CLDN10: variants seen among roughly 807,000 people sequenced by gnomAD.
CLDN10 encodes claudin-10.
CLDN10 carries 15 observed loss-of-function variants against 22.9 expected under a neutral mutation model. The observed-to-expected ratio is 0.65, with a 90% CI of 0.44 to 1.01. The LOEUF (loss-of-function observed/expected upper bound fraction) is 1.01. CLDN10 is among the 50% of genes least tolerant of loss of function. The pLI is 0.00. For synonymous variants in CLDN10, 114 were observed against 111.4 expected (o/e 1.02, Z -0.15); for missense variants, 247 against 287.8 (o/e 0.86, Z 1.03).
At chr13:95,544,331 G>C (rs1264142640) in intron 1 of CLDN10, among the ~76,000 whole-genome samples, 1 of 152,060 alleles carries the variant, frequency 6.6e-6, no homozygotes. Flanking sequence ...ATGGTGTTTT[G>C]ATTGGAAATA....
chr13:95,477,547 G>A (rs544104149), intron 1 of CLDN10, among the ~76,000 whole-genome samples: 1 of 152,208 alleles, frequency 6.6e-6, no homozygotes, highest in Non-Finnish European at 1.5e-5. Flanking sequence ...TCCTGCAGAT[G>A]CACGCGGGGC....
chr13:95,465,862 G>A (rs1006019467), intron 1 of CLDN10, among the ~76,000 whole-genome samples: 1 of 152,106 alleles, frequency 6.6e-6, no homozygotes, highest in Non-Finnish European at 1.5e-5. Flanking sequence ...GTTTATCTGG[G>A]AGTTAATGAA....
chr13:95,540,341 T>TAA (rs969373511), intron 1 of CLDN10, among the ~76,000 whole-genome samples: 4 of 141,564 alleles, frequency 2.8e-5, no homozygotes, highest in African/African-American at 7.7e-5. Context: ...AATAAATAAA[T>TAA]ATTAGCCTGG....
intron 1 of CLDN10, among the ~76,000 whole-genome samples, chr13:95,540,204 G>A (rs1369789707): frequency 6.6e-6 from 1 of 152,060 alleles, no homozygotes; most frequent in African/African-American, 2.4e-5. Flanking sequence ...GGAGGCTGAG[G>A]CAGAAGAATC....
intron 1 of CLDN10, among the ~76,000 whole-genome samples, chr13:95,484,471 T>G (rs924089157): frequency 1.4e-4 from 21 of 152,150 alleles, no homozygotes; most frequent in African/African-American, 4.8e-4. Flanking sequence ...TTATGAATAA[T>G]TTTATATGTC....
intron 1 of CLDN10, among the ~76,000 whole-genome samples, chr13:95,488,993 C>G (rs1297780188): frequency 2.8e-5 from 4 of 145,254 alleles, no homozygotes; most frequent in African/African-American, 7.7e-5. Context: ...CTCTCGTCAC[C>G]CAGGCTAGAG....
intron 1 of CLDN10, among the ~76,000 whole-genome samples, chr13:95,525,049 G>T (rs1349718598): frequency 6.6e-6 from 1 of 151,702 alleles, no homozygotes; most frequent in Non-Finnish European, 1.5e-5. Flanking sequence ...AGTAGAGACG[G>T]GGTTTCTCCA....
At chr13:95,496,690 C>T (rs1335061362) in intron 1 of CLDN10, among the ~76,000 whole-genome samples, 1 of 152,210 alleles carries the variant, frequency 6.6e-6, no homozygotes. Context: ...GTCTCTTCCT[C>T]TTCTTGTAAG....
chr13:95,561,656 A>T (rs746471121), intron 3 of CLDN10, among the ~76,000 whole-genome samples: 1 of 152,198 alleles, frequency 6.6e-6, no homozygotes, highest in Non-Finnish European at 1.5e-5. Flanking sequence ...CAGGCAGTTG[A>T]ACTTCAGAAC....
intron 1 of CLDN10, among the ~76,000 whole-genome samples, chr13:95,531,870 C>T (rs780898050): frequency 2.6e-4 from 40 of 151,994 alleles, no homozygotes; most frequent in Non-Finnish European, 5.4e-4. Context: ...AGGAATAGAT[C>T]TGCGCTTACA....
chr13:95,454,466 G>T (rs973382800), intron 1 of CLDN10, among the ~76,000 whole-genome samples: 2 of 152,012 alleles, frequency 1.3e-5, no homozygotes, highest in African/African-American at 4.8e-5. Flanking sequence ...GGAAGGGAAG[G>T]AAGGAAGGAA....
intron 1 of CLDN10, among the ~76,000 whole-genome samples, chr13:95,514,900 G>A (rs1594579253): frequency 1.3e-5 from 2 of 152,176 alleles, no homozygotes; most frequent in Non-Finnish European, 2.9e-5. Flanking sequence ...GTGAGATGAT[G>A]TCCCGCAGAC....
chr13:95,491,112 T>C (rs147652127), intron 1 of CLDN10, among the ~76,000 whole-genome samples: 76 of 152,320 alleles, frequency 5.0e-4, no homozygotes, highest in African/African-American at 1.8e-3. Flanking sequence ...TGAAATGCCT[T>C]TTTCCACCCC....
At chr13:95,504,940 G>A (rs1439973215) in intron 1 of CLDN10, among the ~76,000 whole-genome samples, 7 of 152,168 alleles carry the variant, frequency 4.6e-5, no homozygotes, top group Non-Finnish European at 7.4e-5. Context: ...AGAAGGAGAC[G>A]TCAGATTAAA....
intron 1 of CLDN10, among the ~76,000 whole-genome samples, chr13:95,521,412 A>T (rs968793469): frequency 6.6e-6 from 1 of 152,128 alleles, no homozygotes; most frequent in Admixed American, 6.5e-5. Context: ...ATTTTATTCA[A>T]TGCTTTTTTG....
exon 1 of CLDN10, chr13:95,434,012 A>C: frequency 6.2e-7 from 1 of 1,614,206 alleles, no homozygotes; most frequent in Non-Finnish European, 8.5e-7. Flanking sequence ...GGTTCTTTCC[A>C]TTGCCGACCG....
chr13:95,455,472 C>T (rs1016293408), intron 1 of CLDN10, among the ~76,000 whole-genome samples: 1 of 152,060 alleles, frequency 6.6e-6, no homozygotes, highest in African/African-American at 2.4e-5. Flanking sequence ...CTATAATAAA[C>T]AAAATTCTAA....
intron 1 of CLDN10, among the ~76,000 whole-genome samples, chr13:95,547,475 C>A (rs1449614090): frequency 1.3e-5 from 2 of 152,172 alleles, no homozygotes; most frequent in South Asian, 2.1e-4. Flanking sequence ...TAAAGAGACA[C>A]AAGGAAATGA....
intron 1 of CLDN10, among the ~76,000 whole-genome samples, chr13:95,547,046 CT>C (rs34873593): frequency 0.014 from 1,828 of 131,266 alleles, 28 homozygotes; most frequent in African/African-American, 0.034. Context: ...GGCTGGCTAA[CT>C]TTTTTTTTTT....
Sources: gnomAD v4.1 joint callset for allele counts (sites outside exome capture counted in the v4.1 genomes callset) on GRCh38, gnomAD v4.1.1 for gene constraint, MANE v1.5 for transcripts, NCBI Gene and HGNC (gene_info 2026-07-23, HGNC 2026-07-21) for gene names.